The following IVD variants were observed in gnomAD, a reference collection of about 807,000 sequenced individuals.
IVD encodes the protein isovaleryl-CoA dehydrogenase, mitochondrial.
A neutral mutation model predicts 51.3 loss-of-function variants in IVD; 31 were observed. That is an observed-to-expected ratio of 0.60 (90% confidence interval 0.45 to 0.81). The LOEUF is 0.81. Ranked by LOEUF, IVD falls within the 40% of genes least tolerant of loss-of-function variation. IVD has a pLI of 0.00. For missense variants in IVD, 475 were observed against 552.0 expected (o/e 0.86, Z 1.40); for synonymous variants, 205 against 219.4 (o/e 0.93, Z 0.58).
chr15:40,433,168 T>C (rs1893076209), intron 7 of IVD, among the ~76,000 whole-genome samples: 2 of 152,192 alleles, frequency 1.3e-5, no homozygotes, highest in Non-Finnish European at 2.9e-5. Context: ...GTTAGACCTC[T>C]ATTTTATATG....
At chr15:40,421,762 AC>A, downstream of IVD, among the ~76,000 whole-genome samples, 1 of 152,268 alleles carries the variant, frequency 6.6e-6, no homozygotes, top group South Asian at 2.1e-4. Flanking sequence ...TGCCCATGTA[AC>A]CCTCTCAAGT....
At chr15:40,422,781 G>GTTTTTTCTTTTTTTTTTT, downstream of IVD, among the ~76,000 whole-genome samples, 1 of 64,222 alleles carries the variant, frequency 1.6e-5, no homozygotes, top group East Asian at 9.4e-4. Flanking sequence ...TGTATTTTTA[G>GTTTTTTCTTTTTTTTTTT]TAGAGACGGG....
chr15:40,412,304 C>T (rs950660341), intron 6 of IVD, among the ~76,000 whole-genome samples: 3 of 152,180 alleles, frequency 2.0e-5, no homozygotes, highest in African/African-American at 2.4e-5. Flanking sequence ...ACTTGCCTAA[C>T]GATCATGAGG....
Position 40,420,534 on chromosome 15 carries a change from T to C in IVD, c.*2271T>C, listed in dbSNP as rs1463460050. 2.0e-6 allele frequency: 2 copies of C among 987,490 alleles called. No homozygotes were observed. The highest frequency in any genetic ancestry group is 2.4e-6 in the Non-Finnish European group (2 of 830,122). The allele number at this position is 987,490 out of a possible 1,614,324, so 61.2% of individuals were successfully genotyped here. The stretch of plus-strand genomic sequence containing the variant: ...TGGAGAGTGGCTGGCCCAGGTCCTA[T>C]TCCTGTCCTCCAGCCCGTTCTTTCA... On this transcript the variant is annotated 3_prime_UTR_variant, in exon 12 of 12. Transcript: ENST00000487418.
chr15:40,412,302 A>G (rs1350928323), intron 6 of IVD, among the ~76,000 whole-genome samples: 1 of 152,240 alleles, frequency 6.6e-6, no homozygotes, highest in Non-Finnish European at 1.5e-5. Flanking sequence ...CCACTTGCCT[A>G]ACGATCATGA....
At chr15:40,413,289 T>A in intron 7 of IVD, 1 of 629,812 alleles carries the variant, frequency 1.6e-6, no homozygotes, top group Non-Finnish European at 2.9e-6. Flanking sequence ...CTAACTGGCA[T>A]CACACACTCC....
chr15:40,417,915 T>A (rs1891884720), intron 11 of IVD, among the ~76,000 whole-genome samples: 1 of 152,230 alleles, frequency 6.6e-6, no homozygotes, highest in Non-Finnish European at 1.5e-5. Context: ...CGGTACTATC[T>A]ACGGTTTCAG....
chr15:40,406,188 G>A, intron 1 of IVD: 2 of 1,533,324 alleles, frequency 1.3e-6, no homozygotes, highest in Non-Finnish European at 1.8e-6. Context: ...GAAGATTTGA[G>A]ACCGTGGGAC....
chr15:40,407,784 C>T, intron 2 of IVD, 59 bp downstream of exon 2: 2 of 1,492,458 alleles, frequency 1.3e-6, no homozygotes, highest in Admixed American at 3.4e-5. Flanking sequence ...AGCTGCACTG[C>T]TGCCTGGAAG....
In IVD at chr15:40,419,655, C is replaced by G. The variant is rs1224302815; in HGVS notation, c.*1392C>G. Reference sequence around the variant, plus strand: ...TAAAACCTCGTCTCTACTAAAAATACAAAAATTAGCCAGGTGTGGTGGCAG... The same window carrying G: ...TAAAACCTCGTCTCTACTAAAAATAGAAAAATTAGCCAGGTGTGGTGGCAG... On this transcript the variant is annotated 3_prime_UTR_variant, in exon 12 of 12. Transcript: ENST00000487418. The G allele has an allele frequency of 6.4e-6, 1 of 156,500 alleles. No homozygotes were observed. Among genetic ancestry groups the G allele is most frequent in the African/African-American group, 2.4e-5 (1 of 41,078 alleles). 9.7% of individuals were successfully genotyped at this position (156,500 alleles called of 1,614,324 possible). A position where few individuals can be genotyped will look rare whatever the true frequency, so the allele number is the denominator to read the frequency against.
chr15:40,406,359 C>T, intron 1 of IVD: 1 of 1,320,830 alleles, frequency 7.6e-7, no homozygotes, highest in African/African-American at 1.5e-5. Flanking sequence ...AGGTATGCTT[C>T]TCACACCTGG....
chr15:40,426,119 G>A (rs192798918), downstream of IVD, among the ~76,000 whole-genome samples: 18 of 152,196 alleles, frequency 1.2e-4, no homozygotes, highest in African/African-American at 3.4e-4. Flanking sequence ...TCATGTTAAT[G>A]AGCAGGACTG....
At chr15:40,407,586 G>A (rs766238912) in intron 1 of IVD, 50 bp from the exon 2 acceptor site, 14 of 1,316,972 alleles carry the variant, frequency 1.1e-5, no homozygotes, top group African/African-American at 1.4e-5. Context: ...ATGTGTCTGG[G>A]TAGTGGAGAT....
rs1007187503 is a variant in IVD at position 40,418,399 on chromosome 15, G to A, written c.*136G>A. 128 of 1,573,694 alleles carry A rather than the reference G, an allele frequency of 8.1e-5. No individual in the cohort carries two copies. Among genetic ancestry groups the A allele is most frequent in the East Asian group, 2.5e-4 (11 of 43,664 alleles). On this transcript the variant is annotated 3_prime_UTR_variant, in exon 12 of 12. Transcript: ENST00000487418. The stretch of plus-strand genomic sequence containing the variant: ...TGTCAGCCCTCTGGCCTCTGGATGA[G>A]GTTGAGTTCTCCACAACAGCTCCCA...
chr15:40,432,764 G>A (rs1289014813), intron 7 of IVD, among the ~76,000 whole-genome samples: 1 of 152,248 alleles, frequency 6.6e-6, no homozygotes, highest in Admixed American at 6.5e-5. Context: ...GAAGCCATGG[G>A]AAGAGGGGCT....
At chr15:40,415,634 G>C in intron 9 of IVD, 152 bp downstream of exon 9, 6 of 735,790 alleles carry the variant, frequency 8.2e-6, no homozygotes, top group South Asian at 7.5e-5. Flanking sequence ...TCAGCATGCA[G>C]CCTGACTCTG....
At chr15:40,425,961 C>T (rs1052462912), downstream of IVD, among the ~76,000 whole-genome samples, 9 of 124,708 alleles carry the variant, frequency 7.2e-5, no homozygotes, top group South Asian at 1.3e-3. Flanking sequence ...AGGCCCAGTC[C>T]GGCTATTTTT....
intron 2 of IVD, 41 bp from the exon 3 acceptor site, chr15:40,407,898 C>A (rs1890634014): frequency 6.2e-7 from 1 of 1,608,038 alleles, no homozygotes; most frequent in Non-Finnish European, 8.5e-7. Flanking sequence ...TGGCTGCCTT[C>A]CCCTCAACAC....
chr15:40,413,210 T>C, intron 7 of IVD, 123 bp downstream of exon 7: 1 of 804,592 alleles, frequency 1.2e-6, no homozygotes, highest in Non-Finnish European at 2.1e-6. Flanking sequence ...TTCAGTGACA[T>C]GTGGCTAGGC....
Sources: gnomAD v4.1 joint callset for allele counts (sites outside exome capture counted in the v4.1 genomes callset) on GRCh38, gnomAD v4.1.1 for gene constraint, MANE v1.5 for transcripts, NCBI Gene and HGNC (gene_info 2026-07-23, HGNC 2026-07-21) for gene names.